The following ALDH3B1 variants were observed in gnomAD, a reference collection of about 807,000 sequenced individuals.
ALDH3B1 encodes aldehyde dehydrogenase 3 family member B1, also known as aldehyde dehydrogenase family 3 member B1.
Under a neutral mutation model 46.2 loss-of-function variants are expected in ALDH3B1, and 37 were observed. The ratio of observed to expected loss-of-function variants is 0.80; its 90% CI spans 0.62 to 1.05. ALDH3B1 has a LOEUF of 1.05. ALDH3B1 is among the 50% of genes least tolerant of loss of function. The probability of loss-of-function intolerance (pLI) is 0.00; values close to 1 mark genes in which losing one functional copy is unlikely to be tolerated. For synonymous variants in ALDH3B1, 283 were observed against 281.0 expected (o/e 1.01, Z -0.07); for missense variants, 603 against 665.5 (o/e 0.91, Z 1.03).
At chr11:68,019,979 G>C (rs1186928502) in intron 6 of ALDH3B1, among the ~76,000 whole-genome samples, 183 bp downstream of exon 6, 2 of 152,138 alleles carry the variant, frequency 1.3e-5, no homozygotes, top group African/African-American at 4.8e-5. Flanking sequence ...CCCATGTCCA[G>C]GGCCAGCCCA....
rs1026522462 is a variant in ALDH3B1, at chr11:68,028,915, C to A, written c.*976C>A. 6.6e-6 allele frequency: 1 copy of A among 152,272 alleles called. No individual in the cohort carries two copies. The highest frequency in any genetic ancestry group is 1.5e-5 in the Non-Finnish European group (1 of 68,102). The allele number at this position is 152,272 out of a possible 1,614,324, so 9.4% of individuals were successfully genotyped here. A position where few individuals can be genotyped will look rare whatever the true frequency, so the allele number is the denominator to read the frequency against. ...TAACTCTTTATCCTCATGGTGCCCA[C>A]TACGAGTCATACTCTTCCCCATGCT... On this transcript the variant is annotated 3_prime_UTR_variant, in exon 10 of 10. Coordinates refer to ENST00000342456, the MANE Select transcript of ALDH3B1 (RefSeq NM_000694.4).
intron 9 of ALDH3B1, 45 bp from the exon 10 acceptor site, chr11:68,027,704 G>C: frequency 1.3e-6 from 2 of 1,540,280 alleles, no homozygotes; most frequent in Non-Finnish European, 1.8e-6. Context: ...CTGTGACTAG[G>C]AGACCCCCAG....
rs145605484 is a variant in ALDH3B1 at position 68,022,183 on chromosome 11, G to A, written c.949+312G>A. On this transcript the variant is annotated intron_variant, in intron 7 of 9. Transcript: ENST00000342456. ...GAAAGGCTGTAACCTCAGATTCTCC[G>A]AGCCCACAATCCCCAGGTTCTAAAC... Among the ~76,000 whole-genome samples, 1,273 of 152,238 alleles carry A rather than the reference G, an allele frequency of 8.4e-3. 8 individuals carry two copies. Among genetic ancestry groups the A allele is most frequent in the Non-Finnish European group, 0.014 (954 of 68,000 alleles).
intron 8 of ALDH3B1, 124 bp downstream of exon 8, chr11:68,022,885 GTC>G (rs1158256876): frequency 7.3e-7 from 1 of 1,378,866 alleles, no homozygotes; most frequent in African/African-American, 1.4e-5. Flanking sequence ...TCTTGGCTCT[GTC>G]TCTGCCCACT....
At chr11:68,012,399 G>C (rs866918079) in intron 1 of ALDH3B1, among the ~76,000 whole-genome samples, 2 of 152,182 alleles carry the variant, frequency 1.3e-5, no homozygotes, top group African/African-American at 4.8e-5. Context: ...CTGGCCCCCA[G>C]GCCAGAGGAA....
At chr11:68,015,642 A>T in intron 2 of ALDH3B1, 183 bp downstream of exon 2, 3 of 821,238 alleles carry the variant, frequency 3.7e-6, no homozygotes, top group Non-Finnish European at 6.2e-6. Flanking sequence ...TCATGCAGCA[A>T]CTATTTGCTG....
upstream of ALDH3B1, chr11:68,010,182 G>C (rs1433444737): frequency 1.3e-5 from 2 of 152,320 alleles, no homozygotes; most frequent in Non-Finnish European, 2.9e-5. Flanking sequence ...TCTGTGGTCT[G>C]GGAGGAGATG....
At chr11:68,012,553 C>A (rs1267109613) in intron 1 of ALDH3B1, among the ~76,000 whole-genome samples, 2 of 152,238 alleles carry the variant, frequency 1.3e-5, no homozygotes, top group African/African-American at 2.4e-5. Flanking sequence ...ACCTCAGTGG[C>A]TCAGCCGCAG....
At chr11:68,018,940 CCT>C in intron 4 of ALDH3B1, 47 bp downstream of exon 4, 2 of 1,530,478 alleles carry the variant, frequency 1.3e-6, no homozygotes, top group South Asian at 2.4e-5. Context: ...CCGCTCGAGG[CCT>C]CAGGGCCACC....
At chr11:68,017,038 C>A (rs1857367707) in intron 2 of ALDH3B1, 1 of 152,392 alleles carries the variant, frequency 6.6e-6, no homozygotes, top group Admixed American at 6.5e-5. Flanking sequence ...TCTCAGTTAA[C>A]CCTTTGGTGA....
chr11:68,020,216 G>A (rs996023811), intron 6 of ALDH3B1, among the ~76,000 whole-genome samples: 4 of 152,086 alleles, frequency 2.6e-5, no homozygotes, highest in Non-Finnish European at 4.4e-5. Flanking sequence ...AGAAATCCAC[G>A]CCAGAGGTCA....
Position 68,015,439 on chromosome 11 carries a change from C to A in ALDH3B1, c.142C>A (p.Leu48Met). Reference protein sequence around the residue: ...QENKQLLHDALAQDLHKSAFE... With the variant: ...QENKQLLHDAMAQDLHKSAFE... ...AAACAAGCAGCTTCTGCACGACGCA[C>A]TGGCCCAGGACCTGCACAAGGTGGG... is the stretch of plus-strand genomic sequence containing the variant. Residue 48 changes from leucine to methionine, a missense_variant, in exon 2 of 10, where the codon CTG becomes ATG. Coordinates refer to ENST00000342456, the MANE Select transcript of ALDH3B1 (RefSeq NM_000694.4). 1 of 1,564,288 alleles carries A rather than the reference C, an allele frequency of 6.4e-7. No individual in the cohort carries two copies. The highest frequency in any genetic ancestry group is 8.7e-7 in the Non-Finnish European group (1 of 1,154,688).
intron 2 of ALDH3B1, 53 bp from the exon 3 acceptor site, chr11:68,018,474 T>G: frequency 7.0e-7 from 1 of 1,422,074 alleles, no homozygotes; most frequent in Non-Finnish European, 9.7e-7. Context: ...GGCTGTGCCC[T>G]CCTGCCAACT....
At position 68,018,818 on chromosome 11, in the gene ALDH3B1, C is replaced by T. The variant is rs954926609; in HGVS notation, c.319C>T (p.Leu107=). The T allele has an allele frequency of 1.2e-5, 18 of 1,564,388 alleles. No homozygotes were observed. Among genetic ancestry groups the T allele is most frequent in the Non-Finnish European group, 1.6e-5 (18 of 1,154,866 alleles). ...SAFIRKEPFG[L]VLIIAPWNYP... is the part of the protein sequence containing the mutation. ...CTTCATCCGGAAGGAGCCCTTTGGC[C>T]TGGTCCTCATCATTGCGCCCTGGAA... The change falls in exon 4 of 10, where the codon CTG becomes TTG. Residue 107 remains leucine (L), a synonymous_variant. Transcript: ENST00000342456.
rs1854637767 is a variant in ALDH3B1 at position 68,028,408 on chromosome 11, G to A, written c.*469G>A. The A allele has an allele frequency of 4.2e-5, 13 of 307,174 alleles. No individual in the cohort carries two copies. Among genetic ancestry groups the A allele is most frequent in the South Asian group, 2.5e-4 (9 of 36,150 alleles). The allele number at this position is 307,174 out of a possible 1,614,324, so 19.0% of individuals were successfully genotyped here. A position where few individuals can be genotyped will look rare whatever the true frequency, so the allele number is the denominator to read the frequency against. ...TTGATACCTCCTGGCTGGGTGAGGC[G>A]GCTCACACCTGTAATCCCAGCACTT... On this transcript the variant is annotated 3_prime_UTR_variant, in exon 10 of 10. Coordinates refer to ENST00000342456, the MANE Select transcript of ALDH3B1 (RefSeq NM_000694.4).
At position 68,028,193 on chromosome 11, in the gene ALDH3B1, G is replaced by C. The variant is rs558677709; in HGVS notation, c.*254G>C. 14 of 673,596 alleles carry C rather than the reference G, an allele frequency of 2.1e-5. No homozygotes were observed. The highest frequency in any genetic ancestry group is 1.0e-4 in the South Asian group (7 of 67,072). The allele number at this position is 673,596 out of a possible 1,614,324, so 41.7% of individuals were successfully genotyped here. A position where few individuals can be genotyped will look rare whatever the true frequency, so the allele number is the denominator to read the frequency against. On this transcript the variant is annotated 3_prime_UTR_variant, in exon 10 of 10. Coordinates refer to ENST00000342456, the MANE Select transcript of ALDH3B1 (RefSeq NM_000694.4). ...GTGCAGTGACTCACCCCCTGCCCCC[G>C]CACCAACCACCCATATTCAGGAGAA...
rs560478463 is a variant in ALDH3B1 at position 68,013,687 on chromosome 11, G to A, written c.-1-1610G>A. ...CCCATTTCACAGATGAGGAAACCGA[G>A]GCAGAGAAGGTGAGTGATTTGCCCA... On this transcript the variant is annotated intron_variant, in intron 1 of 9. Coordinates refer to ENST00000342456, the MANE Select transcript of ALDH3B1 (RefSeq NM_000694.4). Among the ~76,000 whole-genome samples, 36 of 152,348 alleles carry A rather than the reference G, an allele frequency of 2.4e-4. No individual in the cohort carries two copies. In the South Asian group the frequency reaches 6.4e-3, roughly 27 times the overall value.
chr11:68,018,744 C>T (rs763357662), intron 3 of ALDH3B1, 29 bp from the exon 4 acceptor site: 66 of 1,550,718 alleles, frequency 4.3e-5, no homozygotes, highest in East Asian at 2.4e-4. Context: ...GTGCTGAGCA[C>T]TTAATTTCAT....
intron 1 of ALDH3B1, among the ~76,000 whole-genome samples, chr11:68,013,794 C>T (rs1857282798): frequency 6.6e-6 from 1 of 152,246 alleles, no homozygotes; most frequent in African/African-American, 2.4e-5. Context: ...TCCTGGGTCT[C>T]AGTCCTGCTC....
Sources: gnomAD v4.1 joint callset for allele counts (sites outside exome capture counted in the v4.1 genomes callset) on GRCh38, gnomAD v4.1.1 for gene constraint, MANE v1.5 for transcripts, NCBI Gene and HGNC (gene_info 2026-07-23, HGNC 2026-07-21) for gene names.